Variants in CARMIL1 observed in about 807,000 individuals in gnomAD.
CARMIL1 encodes the protein capping protein regulator and myosin 1 linker 1, also known as F-actin-uncapping protein LRRC16A.
A neutral mutation model predicts 177.1 loss-of-function variants in CARMIL1; 90 were observed. The observed-to-expected ratio is 0.51, with a 90% confidence interval of 0.43 to 0.61. CARMIL1 has a LOEUF of 0.61. CARMIL1 is among the 20% of genes least tolerant of loss of function. The pLI, the probability that CARMIL1 is intolerant of heterozygous loss-of-function variation, is 0.00. For synonymous variants in CARMIL1, 577 were observed against 606.2 expected, an observed-to-expected ratio of 0.95 and a Z score of 0.71; for missense variants, 1,380 against 1,667.0, an observed-to-expected ratio of 0.83 and a Z score of 3.00.
intron 16 of CARMIL1, among the ~76,000 whole-genome samples, chr6:25,495,934 T>C (rs1328611237): frequency 6.6e-6 from 1 of 152,194 alleles, no homozygotes; most frequent in African/African-American, 2.4e-5. Context: ...GTTACGATTA[T>C]GAAAGTTGTC....
rs757429896 is a variant in CARMIL1 at position 25,491,820 on chromosome 6, A to AAT, written c.1143+22_1143+23dup. 77 of 1,562,330 alleles carry AAT rather than the reference A, an allele frequency of 4.9e-5. No homozygotes were observed. Among genetic ancestry groups the AAT allele is most frequent in the African/African-American group, 2.0e-4 (15 of 73,186 alleles). On this transcript the variant is annotated intron_variant, in intron 14 of 36. Transcript: ENST00000329474. ...TGTTCCCTGGACATGGTAAATTTAA[A>AAT]ATATATATATATCTTGCTCTGAGGG... is the stretch of plus-strand genomic sequence containing the variant.
chr6:25,567,925 T>C (rs774682871), intron 29 of CARMIL1, among the ~76,000 whole-genome samples: 1 of 152,252 alleles, frequency 6.6e-6, no homozygotes, highest in Non-Finnish European at 1.5e-5. Flanking sequence ...AATTCTCAGG[T>C]TCCCTAAATG....
At chr6:25,296,950 AC>A (rs1561949215) in intron 2 of CARMIL1, among the ~76,000 whole-genome samples, 42 of 114,844 alleles carry the variant, frequency 3.7e-4, no homozygotes, top group African/African-American at 1.3e-3. Flanking sequence ...TAACTAACTA[AC>A]TAACTAACTA....
intron 27 of CARMIL1, among the ~76,000 whole-genome samples, chr6:25,552,265 A>G (rs1810178808): frequency 6.6e-6 from 1 of 152,146 alleles, no homozygotes; most frequent in African/African-American, 2.4e-5. Flanking sequence ...ATGCCTAAAC[A>G]TTAAGGAGAA....
intron 2 of CARMIL1, among the ~76,000 whole-genome samples, chr6:25,349,704 C>G (rs1787909354): frequency 6.6e-6 from 1 of 151,398 alleles, no homozygotes; most frequent in Non-Finnish European, 1.5e-5. Flanking sequence ...CAATACTGCC[C>G]TGATCTAAAC....
At chr6:25,545,545 TGAA>T (rs1192685222) in intron 26 of CARMIL1, among the ~76,000 whole-genome samples, 2 of 152,280 alleles carry the variant, frequency 1.3e-5, no homozygotes, top group Admixed American at 6.5e-5. Flanking sequence ...AAAACAATGA[TGAA>T]GAAGATTTGA....
intron 23 of CARMIL1, among the ~76,000 whole-genome samples, chr6:25,527,472 A>G (rs545719445): frequency 2.2e-4 from 34 of 152,304 alleles, no homozygotes; most frequent in African/African-American, 7.7e-4. Context: ...AGTGAGGCCA[A>G]ATGTATAAGA....
intron 3 of CARMIL1, among the ~76,000 whole-genome samples, chr6:25,425,569 C>T (rs1796214792): frequency 1.3e-5 from 2 of 151,968 alleles, no homozygotes. Flanking sequence ...AACTTGGTCC[C>T]CCACTGTCTC....
intron 3 of CARMIL1, among the ~76,000 whole-genome samples, chr6:25,425,949 T>A (rs1796244986): frequency 1.3e-5 from 2 of 152,118 alleles, no homozygotes; most frequent in Admixed American, 6.6e-5. Flanking sequence ...CTGACTCTGG[T>A]AAGTGGTCAG....
intron 22 of CARMIL1, among the ~76,000 whole-genome samples, chr6:25,517,756 T>C (rs1450244640): frequency 6.6e-6 from 1 of 150,886 alleles, no homozygotes; most frequent in Non-Finnish European, 1.5e-5. Context: ...CTACACTAGG[T>C]CTTGTTCTTT....
chr6:25,619,564 AAG>A lies in CARMIL1; in HGVS notation c.4100_4101del (p.Glu1367ValfsTer20). Reference sequence around the variant, plus strand: ...AATGACTCCGGGGAAGAAGCAGAAAAAGAGTTTATTTTTGTGTAAAGGTCACC... The same window carrying A: ...AATGACTCCGGGGAAGAAGCAGAAAAAGTTTATTTTTGTGTAAAGGTCACC... On this transcript the variant is annotated frameshift_variant, in exon 37 of 37. Coordinates refer to ENST00000329474, the MANE Select transcript of CARMIL1 (RefSeq NM_017640.6). LOFTEE classifies it high-confidence loss of function. 1 of 1,613,678 alleles carries A rather than the reference AAG, an allele frequency of 6.2e-7. No homozygotes were observed. Among genetic ancestry groups the A allele is most frequent in the Middle Eastern group, 1.7e-4 (1 of 6,058 alleles).
rs1472362851 is a variant in CARMIL1, at chr6:25,500,042, G to T, written c.1326-124G>T. The T allele has an allele frequency of 1.9e-5, 14 of 753,442 alleles. No individual in the cohort carries two copies. In the Admixed American group the frequency reaches 2.0e-4, roughly 11 times the overall value. 46.7% of individuals were successfully genotyped at this position (753,442 alleles called of 1,614,324 possible). On this transcript the variant is annotated intron_variant, in intron 16 of 36. Coordinates refer to ENST00000329474, the MANE Select transcript of CARMIL1 (RefSeq NM_017640.6). ...CATTTTAAAAAGTAAGAGGGTGCTT[G>T]GTGCTTGACCTGTGATTCAGAAAAG...
chr6:25,381,506 T>A (rs920801303), intron 2 of CARMIL1, among the ~76,000 whole-genome samples: 4 of 152,232 alleles, frequency 2.6e-5, no homozygotes, highest in African/African-American at 9.6e-5. Context: ...CTCCTATACT[T>A]CTGACCAAGA....
intron 4 of CARMIL1, among the ~76,000 whole-genome samples, chr6:25,429,274 G>A (rs556893963): frequency 9.2e-5 from 14 of 152,328 alleles, no homozygotes; most frequent in Admixed American, 7.2e-4. Context: ...CCTACTGTGT[G>A]TGCAAGCATC....
intron 2 of CARMIL1, among the ~76,000 whole-genome samples, chr6:25,335,223 A>T (rs1280881608): frequency 6.6e-6 from 1 of 152,144 alleles, no homozygotes; most frequent in Non-Finnish European, 1.5e-5. Flanking sequence ...TGGTAATTCC[A>T]GTTCTTGTAT....
chr6:25,283,122 G>A (rs1186515027), intron 1 of CARMIL1, among the ~76,000 whole-genome samples: 3 of 152,180 alleles, frequency 2.0e-5, no homozygotes, highest in Non-Finnish European at 4.4e-5. Flanking sequence ...ACAATCCTAG[G>A]GGTGTAAAAG....
intron 5 of CARMIL1, among the ~76,000 whole-genome samples, chr6:25,438,083 A>G (rs1797387332): frequency 6.6e-6 from 1 of 152,234 alleles, no homozygotes; most frequent in African/African-American, 2.4e-5. Context: ...GAACACAATC[A>G]GGCTCTCTCA....
chr6:25,534,770 C>T (rs1808125192), intron 24 of CARMIL1, among the ~76,000 whole-genome samples: 1 of 152,150 alleles, frequency 6.6e-6, no homozygotes, highest in African/African-American at 2.4e-5. Context: ...CTTCCCACTT[C>T]CAGGTTTTTA....
intron 4 of CARMIL1, among the ~76,000 whole-genome samples, chr6:25,433,687 A>G (rs1431368634): frequency 1.3e-5 from 2 of 152,222 alleles, no homozygotes; most frequent in Non-Finnish European, 2.9e-5. Context: ...ACTGAAAAAT[A>G]GGAATTTTAA....
Sources: allele counts gnomAD v4.1 joint callset (sites outside exome capture counted in the v4.1 genomes callset), GRCh38; gene constraint gnomAD v4.1.1; transcripts MANE v1.5; gene names NCBI Gene and HGNC (gene_info 2026-07-23, HGNC 2026-07-21).